The following CBLN2 variants were observed in gnomAD, a reference collection of about 807,000 sequenced individuals.
The protein encoded by CBLN2 is cerebellin-2.
A neutral mutation model predicts 15.0 loss-of-function variants in CBLN2; 7 were observed. The observed-to-expected ratio is 0.47, with a 90% CI of 0.27 to 0.88. The LOEUF is 0.88. Ranked by LOEUF, CBLN2 falls within the 40% of genes least tolerant of loss-of-function variation. The probability of loss-of-function intolerance (pLI) is 0.14; values close to 1 mark genes in which losing one functional copy is unlikely to be tolerated. For missense variants in CBLN2, 242 were observed against 304.5 expected (o/e 0.79, Z 1.53); for synonymous variants, 149 against 135.2 (o/e 1.10, Z -0.71).
intron 1 of CBLN2, among the ~76,000 whole-genome samples, chr18:72,592,755 T>C (rs2069488144): frequency 6.6e-6 from 1 of 152,202 alleles, no homozygotes; most frequent in Non-Finnish European, 1.5e-5. Context: ...AGACTGTATT[T>C]TTACCAGTGT....
chr18:72,577,237 G>A (rs889770450), intron 1 of CBLN2, among the ~76,000 whole-genome samples: 4 of 151,420 alleles, frequency 2.6e-5, no homozygotes, highest in African/African-American at 9.7e-5. Context: ...ATGGTTATCT[G>A]TAGGGCATTT....
chr18:72,546,929 G>A (rs747210383), upstream of CBLN2, among the ~76,000 whole-genome samples: 3 of 152,038 alleles, frequency 2.0e-5, no homozygotes, highest in Admixed American at 1.3e-4. Flanking sequence ...CATCTTCAGC[G>A]TGCATTATAG....
At chr18:72,565,508 A>G (rs1180911696) in intron 1 of CBLN2, among the ~76,000 whole-genome samples, 2 of 152,186 alleles carry the variant, frequency 1.3e-5, no homozygotes, top group African/African-American at 4.8e-5. Flanking sequence ...AAAATTATAA[A>G]TTGTGGGGCA....
intron 1 of CBLN2, among the ~76,000 whole-genome samples, chr18:72,555,556 C>T (rs1346097732): frequency 2.0e-5 from 3 of 152,110 alleles, no homozygotes; most frequent in Admixed American, 2.0e-4. Flanking sequence ...CAACCTAATA[C>T]AATCTTAATT....
chr18:72,542,240 G>A lies in CBLN2; in HGVS notation c.-80C>T, dbSNP rs1415533109. The A allele has an allele frequency of 6.1e-6, 6 of 982,626 alleles. No homozygotes were observed. Among genetic ancestry groups the A allele is most frequent in the Non-Finnish European group, 7.7e-6 (6 of 783,242 alleles). The allele number at this position is 982,626 out of a possible 1,614,324, so 60.9% of individuals were successfully genotyped here. A position where few individuals can be genotyped will look rare whatever the true frequency, so the allele number is the denominator to read the frequency against. Reference sequence around the variant, plus strand: ...CGCGGAAGGGCGCGAAGGAACGCGCGGAGCTCGCAGCAGCCTCCGGGGGCC... The same window carrying A: ...CGCGGAAGGGCGCGAAGGAACGCGCAGAGCTCGCAGCAGCCTCCGGGGGCC... On this transcript the variant is annotated 5_prime_UTR_variant, in exon 3 of 5. Coordinates refer to ENST00000269503, the MANE Select transcript of CBLN2 (RefSeq NM_182511.4).
intron 1 of CBLN2, among the ~76,000 whole-genome samples, chr18:72,619,490 T>G (rs1420382924): frequency 1.3e-5 from 2 of 152,182 alleles, no homozygotes; most frequent in African/African-American, 2.4e-5. Context: ...TATAGATGAT[T>G]TTTTGTACCC....
intron 1 of CBLN2, among the ~76,000 whole-genome samples, chr18:72,553,486 A>AGATAGATT (rs2144884160): frequency 6.6e-6 from 1 of 152,216 alleles, no homozygotes; most frequent in Admixed American, 6.5e-5. Context: ...ATAGATAGAT[A>AGATAGATT]GATAGATAGA....
intron 3 of CBLN2, chr18:72,539,201 A>G (rs2069090803): frequency 6.0e-6 from 1 of 166,068 alleles, no homozygotes; most frequent in Admixed American, 5.7e-5. Flanking sequence ...ACAAACAAAC[A>G]AACAAAAAAG....
chr18:72,624,336 A>T (rs923154528), intron 1 of CBLN2, among the ~76,000 whole-genome samples: 6 of 151,830 alleles, frequency 4.0e-5, no homozygotes, highest in Non-Finnish European at 5.9e-5. Flanking sequence ...CTTCGTTGAG[A>T]TGTTTCACTT....
At chr18:72,623,183 C>A (rs1363165502) in intron 1 of CBLN2, among the ~76,000 whole-genome samples, 1 of 152,070 alleles carries the variant, frequency 6.6e-6, no homozygotes, top group Non-Finnish European at 1.5e-5. Context: ...GGAATTCACC[C>A]CCATCATCCA....
At chr18:72,611,234 T>A (rs1347256287) in intron 1 of CBLN2, among the ~76,000 whole-genome samples, 1 of 152,208 alleles carries the variant, frequency 6.6e-6, no homozygotes, top group African/African-American at 2.4e-5. Flanking sequence ...TAGAAGGTTT[T>A]ATATTCCTTT....
intron 1 of CBLN2, among the ~76,000 whole-genome samples, chr18:72,609,381 G>A (rs2069605800): frequency 6.6e-6 from 1 of 151,962 alleles, no homozygotes; most frequent in Admixed American, 6.6e-5. Flanking sequence ...AAAGAAGAGG[G>A]CATTAGACAC....
intron 1 of CBLN2, among the ~76,000 whole-genome samples, chr18:72,627,483 G>A (rs1447028988): frequency 6.6e-6 from 1 of 152,162 alleles, no homozygotes; most frequent in Non-Finnish European, 1.5e-5. Flanking sequence ...AATACTCTTC[G>A]AATGGGGAGC....
Position 72,538,352 on chromosome 18 carries a change from A to G in CBLN2, c.499T>C (p.Tyr167His), listed in dbSNP as rs1167152197. The change falls in exon 5 of 5, where the codon TAC (tyrosine) becomes CAC (histidine). Residue 167 changes from tyrosine (Y) to histidine (H), a missense_variant. Coordinates refer to ENST00000269503, the MANE Select transcript of CBLN2 (RefSeq NM_182511.4). ...CCTGCAAAGGCCGAGATCACTGGGT[A>G]GCCATTCTGCATTAAACTGACCTAA... ...TIQVSLMQNG[Y>H]PVISAFAGDQ... 1 of 1,614,182 alleles carries G rather than the reference A, an allele frequency of 6.2e-7. No homozygotes were observed. Among genetic ancestry groups the G allele is most frequent in the Non-Finnish European group, 8.5e-7 (1 of 1,180,036 alleles).
At chr18:72,612,993 G>A (rs962981209) in intron 1 of CBLN2, among the ~76,000 whole-genome samples, 5 of 152,230 alleles carry the variant, frequency 3.3e-5, no homozygotes, top group South Asian at 2.1e-4. Flanking sequence ...GCCTTGCCCC[G>A]CAGATTCTGG....
chr18:72,560,650 G>T (rs1236960100), intron 1 of CBLN2, among the ~76,000 whole-genome samples: 1 of 152,158 alleles, frequency 6.6e-6, no homozygotes, highest in Non-Finnish European at 1.5e-5. Flanking sequence ...TATAGAAAAA[G>T]TTCGCTGATC....
intron 1 of CBLN2, among the ~76,000 whole-genome samples, chr18:72,590,650 A>T (rs148153690): frequency 6.6e-6 from 1 of 152,332 alleles, no homozygotes; most frequent in African/African-American, 2.4e-5. Flanking sequence ...TTTATCTTGG[A>T]CTGGATATTT....
chr18:72,626,862 C>T (rs182672882), intron 1 of CBLN2, among the ~76,000 whole-genome samples: 1 of 152,298 alleles, frequency 6.6e-6, no homozygotes, highest in African/African-American at 2.4e-5. Flanking sequence ...TCTGCTCAGC[C>T]TCTCTTTTTG....
chr18:72,623,502 G>A (rs1273767502), intron 1 of CBLN2, among the ~76,000 whole-genome samples: 5 of 151,912 alleles, frequency 3.3e-5, no homozygotes, highest in African/African-American at 9.7e-5. Flanking sequence ...GACTAAAACC[G>A]AGCTGTCCGT....
Sources: allele counts gnomAD v4.1 joint callset (sites outside exome capture counted in the v4.1 genomes callset), GRCh38; gene constraint gnomAD v4.1.1; transcripts MANE v1.5; gene names NCBI Gene and HGNC (gene_info 2026-07-23, HGNC 2026-07-21).